LMX1A: variants seen among roughly 807,000 people sequenced by gnomAD.
LMX1A encodes LIM homeobox transcription factor 1-alpha.
Under a neutral mutation model 49.1 loss-of-function variants are expected in LMX1A, and 15 were observed. The observed-to-expected ratio is 0.31, with a 90% confidence interval of 0.20 to 0.47. LMX1A has a LOEUF of 0.47. LMX1A is among the 20% of genes least tolerant of loss of function. The pLI is 1.00. For synonymous variants in LMX1A, 167 were observed against 185.7 expected (o/e 0.90, Z 0.82); for missense variants, 372 against 475.8 (o/e 0.78, Z 2.03).
intron 4 of LMX1A, among the ~76,000 whole-genome samples, chr1:165,235,422 A>ACACT (rs397863584): frequency 5.7e-4 from 78 of 137,362 alleles, no homozygotes; most frequent in Non-Finnish European, 9.4e-4. Flanking sequence ...ACACACACAC[A>ACACT]CTCACACTCA....
At chr1:165,207,430 C>T (rs552597426) in intron 7 of LMX1A, 2 of 152,312 alleles carry the variant, frequency 1.3e-5, no homozygotes, top group East Asian at 3.9e-4. Context: ...ATGAGAAGGC[C>T]CATGGCCTGT....
chr1:165,256,837 T>G (rs1420260648), intron 3 of LMX1A, among the ~76,000 whole-genome samples: 1 of 151,994 alleles, frequency 6.6e-6, no homozygotes, highest in Admixed American at 6.6e-5. Context: ...TCTATGACAA[T>G]CAACAAAGAA....
At chr1:165,282,984 C>T (rs1362038705) in intron 3 of LMX1A, among the ~76,000 whole-genome samples, 1 of 152,222 alleles carries the variant, frequency 6.6e-6, no homozygotes, top group Non-Finnish European at 1.5e-5. Context: ...CCAGTTTGAT[C>T]CTCACCACTG....
chr1:165,213,423 G>A, intron 5 of LMX1A: 1 of 480,702 alleles, frequency 2.1e-6, no homozygotes, highest in Non-Finnish European at 3.7e-6. Context: ...ATTTGGAGTT[G>A]GTGTGCATGC....
At chr1:165,244,732 T>G (rs1652780105) in intron 4 of LMX1A, among the ~76,000 whole-genome samples, 1 of 152,144 alleles carries the variant, frequency 6.6e-6, no homozygotes, top group African/African-American at 2.4e-5. Flanking sequence ...AACTCCAAAG[T>G]GTCTACCAAT....
At chr1:165,211,005 C>T (rs1213994433) in intron 5 of LMX1A, 4 of 410,892 alleles carry the variant, frequency 9.7e-6, no homozygotes, top group African/African-American at 6.1e-5. Flanking sequence ...TTTACATGTG[C>T]ATTCCCAAGA....
chr1:165,279,931 C>G (rs1283082248), intron 3 of LMX1A, among the ~76,000 whole-genome samples: 1 of 152,004 alleles, frequency 6.6e-6, no homozygotes, highest in Non-Finnish European at 1.5e-5. Flanking sequence ...GGCAACCAGA[C>G]TGGGACTAAG....
At position 165,288,112 on chromosome 1, in the gene LMX1A, C is replaced by T. The variant is rs1428630308; in HGVS notation, c.264-38472G>A. ...TCATTTCTCCTGGAACAAATATTCT[C>T]TACCTTACTCTAGCACCACATTATT... is the stretch of plus-strand genomic sequence containing the variant. On this transcript the variant is annotated intron_variant, in intron 3 of 8. Transcript: ENST00000342310. Among the ~76,000 whole-genome samples, 3 of 152,240 alleles carry T rather than the reference C, an allele frequency of 2.0e-5. No individual in the cohort carries two copies. In the South Asian group the frequency reaches 6.2e-4, roughly 31 times the overall value.
chr1:165,239,455 A>G (rs1652568288), intron 4 of LMX1A, among the ~76,000 whole-genome samples: 1 of 152,228 alleles, frequency 6.6e-6, no homozygotes, highest in Non-Finnish European at 1.5e-5. Flanking sequence ...CCCTGGCTCA[A>G]GTATCCTGTG....
At chr1:165,218,574 CTT>C (rs1035502946) in intron 4 of LMX1A, 2 of 152,272 alleles carry the variant, frequency 1.3e-5, no homozygotes, top group African/African-American at 2.4e-5. Context: ...CTCACTGAGG[CTT>C]TTGTTTTCTC....
chr1:165,277,477 T>A (rs1654003803), intron 3 of LMX1A, among the ~76,000 whole-genome samples: 1 of 152,164 alleles, frequency 6.6e-6, no homozygotes, highest in South Asian at 2.1e-4. Context: ...ACTCACTGGG[T>A]CTTCCCTCAT....
chr1:165,209,428 A>G (rs1029460267), intron 6 of LMX1A, among the ~76,000 whole-genome samples: 3 of 152,234 alleles, frequency 2.0e-5, no homozygotes, highest in African/African-American at 7.2e-5. Flanking sequence ...GATAATCAGA[A>G]AGACCCAGGT....
At chr1:165,324,104 C>T (rs1463909350) in intron 3 of LMX1A, among the ~76,000 whole-genome samples, 2 of 152,216 alleles carry the variant, frequency 1.3e-5, no homozygotes, top group African/African-American at 4.8e-5. Context: ...ATGCCTGGCA[C>T]ATCGCAGGCA....
intron 8 of LMX1A, among the ~76,000 whole-genome samples, chr1:165,205,053 C>T (rs959761235): frequency 3.9e-5 from 6 of 152,050 alleles, no homozygotes; most frequent in Non-Finnish European, 7.4e-5. Context: ...TGATCTGTGG[C>T]GTGAATCTCT....
intron 4 of LMX1A, among the ~76,000 whole-genome samples, chr1:165,233,926 C>A (rs767378080): frequency 1.3e-5 from 2 of 152,050 alleles, no homozygotes; most frequent in African/African-American, 2.4e-5. Flanking sequence ...TTTGTTCAAA[C>A]CTTCATCTCT....
chr1:165,318,485 T>G (rs1655285417), intron 3 of LMX1A, among the ~76,000 whole-genome samples: 1 of 152,078 alleles, frequency 6.6e-6, no homozygotes, highest in South Asian at 2.1e-4. Flanking sequence ...TTTTTTTCTC[T>G]GAGGACTCCA....
chr1:165,287,628 C>G (rs1654335564), intron 3 of LMX1A, among the ~76,000 whole-genome samples: 1 of 152,144 alleles, frequency 6.6e-6, no homozygotes, highest in African/African-American at 2.4e-5. Flanking sequence ...GCAACACCTC[C>G]TACAAGGGCC....
At chr1:165,244,359 A>T (rs1490558417) in intron 4 of LMX1A, among the ~76,000 whole-genome samples, 5 of 152,228 alleles carry the variant, frequency 3.3e-5, no homozygotes, top group Non-Finnish European at 5.9e-5. Flanking sequence ...CGCAATTTAT[A>T]GCCAGTGAGT....
chr1:165,246,870 A>G (rs1468621510), intron 4 of LMX1A, among the ~76,000 whole-genome samples: 2 of 152,128 alleles, frequency 1.3e-5, no homozygotes, highest in African/African-American at 4.8e-5. Context: ...ATGTCAACTG[A>G]ATTAATACAT....
Sources: allele counts gnomAD v4.1 joint callset (sites outside exome capture counted in the v4.1 genomes callset), GRCh38; gene constraint gnomAD v4.1.1; transcripts MANE v1.5; gene names NCBI Gene and HGNC (gene_info 2026-07-23, HGNC 2026-07-21).